The following LRRC1 variants were observed in gnomAD, a reference collection of about 807,000 sequenced individuals.
The protein encoded by LRRC1 is leucine rich repeat containing 1.
In LRRC1, 28 loss-of-function variants were observed where a neutral mutation model predicts 69.9. The ratio of observed to expected loss-of-function variants is 0.40; its 90% CI spans 0.30 to 0.55. LRRC1 has a LOEUF of 0.55. Ranked by LOEUF, LRRC1 falls within the 20% of genes least tolerant of loss-of-function variation. The probability of loss-of-function intolerance (pLI) is 0.47; values close to 1 mark genes in which losing one functional copy is unlikely to be tolerated. For synonymous variants in LRRC1, 236 were observed against 240.2 expected (o/e 0.98, Z 0.16); for missense variants, 498 against 609.0 (o/e 0.82, Z 1.92).
At chr6:53,908,479 C>T (rs1289828882) in intron 10 of LRRC1, among the ~76,000 whole-genome samples, 1 of 152,044 alleles carries the variant, frequency 6.6e-6, no homozygotes, top group Non-Finnish European at 1.5e-5. Context: ...ATTCAAAATT[C>T]TTTCAGTATA....
Position 53,922,837 on chromosome 6 carries a change from C to G in LRRC1, c.*44C>G, listed in dbSNP as rs564174721. On this transcript the variant is annotated 3_prime_UTR_variant, in exon 14 of 14. Coordinates refer to ENST00000370888, the MANE Select transcript of LRRC1 (RefSeq NM_018214.5). The stretch of plus-strand genomic sequence containing the variant: ...TACCTCCTGTGTCTTCCTCTGCTGT[C>G]GAGACGTTCCTGTCTGCTTCCCGGG... 6.3e-7 allele frequency: 1 copy of G among 1,583,626 alleles called. No homozygotes were observed. Among genetic ancestry groups the G allele is most frequent in the Middle Eastern group, 1.7e-4 (1 of 5,940 alleles).
At chr6:53,913,242 A>T (rs986808957) in intron 10 of LRRC1, among the ~76,000 whole-genome samples, 1 of 152,134 alleles carries the variant, frequency 6.6e-6, no homozygotes, top group Admixed American at 6.5e-5. Context: ...TGTTGATTTT[A>T]CATTCATCAA....
intron 12 of LRRC1, among the ~76,000 whole-genome samples, chr6:53,920,131 T>G (rs2127443272): frequency 6.6e-6 from 1 of 152,318 alleles, no homozygotes; most frequent in Non-Finnish European, 1.5e-5. Flanking sequence ...TGCTGAGAGC[T>G]GGGTTTGGTG....
chr6:53,821,568 C>T (rs946091872), intron 1 of LRRC1, among the ~76,000 whole-genome samples: 7 of 152,142 alleles, frequency 4.6e-5, no homozygotes, highest in Non-Finnish European at 1.0e-4. Flanking sequence ...ATGAGGTGTG[C>T]GTGATTTATG....
At chr6:53,861,411 A>G (rs1055089074) in intron 2 of LRRC1, among the ~76,000 whole-genome samples, 10 of 151,184 alleles carry the variant, frequency 6.6e-5, no homozygotes, top group Non-Finnish European at 1.5e-5. Context: ...AGAGGTTGCC[A>G]TTAGACCTCC....
intron 1 of LRRC1, among the ~76,000 whole-genome samples, chr6:53,800,247 CTTTTT>C (rs55960000): frequency 4.1e-4 from 37 of 89,546 alleles, no homozygotes; most frequent in Admixed American, 7.3e-4. Flanking sequence ...GTTTCTTTTT[CTTTTT>C]TTTTTTTTTT....
intron 7 of LRRC1, 35 bp downstream of exon 7, chr6:53,897,394 T>G (rs1396107338): frequency 3.7e-5 from 52 of 1,411,136 alleles, no homozygotes; most frequent in Non-Finnish European, 4.6e-5. Context: ...CCCCAAAACA[T>G]AAAACAGCAA....
Position 53,795,331 on chromosome 6 carries a change from C to G in LRRC1, c.75C>G (p.Val25=), listed in dbSNP as rs764936730. 3 of 1,613,648 alleles carry G rather than the reference C, an allele frequency of 1.9e-6. No individual in the cohort carries two copies. In the African/African-American group the frequency reaches 4.0e-5, roughly 22 times the overall value. ...ESIDKRHCSL[V]YVPEEIYRYA... Reference sequence around the variant, plus strand: ...TCGACAAGCGCCACTGCTCGCTGGTCTACGTCCCCGAGGAGATCTACCGCT... The same window carrying G: ...TCGACAAGCGCCACTGCTCGCTGGTGTACGTCCCCGAGGAGATCTACCGCT... The change falls in exon 1 of 14, where the codon GTC becomes GTG. Residue 25 remains valine, a synonymous_variant. Coordinates refer to ENST00000370888, the MANE Select transcript of LRRC1 (RefSeq NM_018214.5).
At chr6:53,795,957 T>C (rs1764287153) in intron 1 of LRRC1, among the ~76,000 whole-genome samples, 1 of 152,196 alleles carries the variant, frequency 6.6e-6, no homozygotes, top group Admixed American at 6.5e-5. Context: ...TTATCGCGGG[T>C]GGGCTTGGCC....
rs773000983 is a variant in LRRC1, at chr6:53,897,382, C to T, written c.642+23C>T. On this transcript the variant is annotated intron_variant, in intron 7 of 13. Transcript: ENST00000370888. ...CAGGTAAGTGGTAATTTCACAGTGT[C>T]TCCCCAAAACATAAAACAGCAACAA... The T allele has an allele frequency of 6.7e-6, 10 of 1,497,400 alleles. No individual in the cohort carries two copies. The East Asian group carries it at 2.0e-4, about 30-fold the overall frequency. The allele number at this position is 1,497,400 out of a possible 1,614,324, so 92.8% of individuals were successfully genotyped here.
chr6:53,899,936 C>G (rs375203191), intron 8 of LRRC1, 45 bp downstream of exon 8: 1 of 1,537,252 alleles, frequency 6.5e-7, no homozygotes, highest in Non-Finnish European at 8.8e-7. Context: ...TGCCTGCCGT[C>G]GTCTTGAGGG....
intron 2 of LRRC1, among the ~76,000 whole-genome samples, chr6:53,869,151 G>C (rs2127426257): frequency 6.6e-6 from 1 of 152,270 alleles, no homozygotes; most frequent in East Asian, 1.9e-4. Flanking sequence ...TAGAGAGAGA[G>C]ACCATTTAAG....
intron 2 of LRRC1, among the ~76,000 whole-genome samples, chr6:53,859,274 C>T (rs1164215786): frequency 2.0e-5 from 3 of 152,142 alleles, no homozygotes; most frequent in Non-Finnish European, 2.9e-5. Context: ...TCCTTCACTT[C>T]GAGCAGTTGT....
intron 2 of LRRC1, among the ~76,000 whole-genome samples, chr6:53,873,830 G>GA (rs1223117232): frequency 6.6e-6 from 1 of 151,976 alleles, no homozygotes; most frequent in South Asian, 2.1e-4. Flanking sequence ...TAGATCTTAC[G>GA]AAAAAAGCTT....
chr6:53,803,801 T>A (rs1764559854), intron 1 of LRRC1, among the ~76,000 whole-genome samples: 1 of 152,190 alleles, frequency 6.6e-6, no homozygotes, highest in African/African-American at 2.4e-5. Context: ...TACACCTAAT[T>A]ACAGCATGTT....
At chr6:53,881,241 C>T (rs1767280994) in intron 3 of LRRC1, among the ~76,000 whole-genome samples, 2 of 152,128 alleles carry the variant, frequency 1.3e-5, no homozygotes, top group African/African-American at 4.8e-5. Flanking sequence ...GAAACTGAGG[C>T]ACATGTAGGC....
At position 53,853,308 on chromosome 6, in the gene LRRC1, G is replaced by A. The variant is rs1380944436; in HGVS notation, c.277+11081G>A. 1.0e-4 allele frequency among the ~76,000 whole-genome samples: 14 copies of A among 136,474 alleles called. No homozygotes were observed. In the East Asian group the frequency reaches 1.9e-3, roughly 19 times the overall value. 89.5% of individuals were successfully genotyped at this position (136,474 alleles called of 152,430 possible). A position where few individuals can be genotyped will look rare whatever the true frequency, so the allele number is the denominator to read the frequency against. On this transcript the variant is annotated intron_variant, in intron 2 of 13. Coordinates refer to ENST00000370888, the MANE Select transcript of LRRC1 (RefSeq NM_018214.5). Reference sequence around the variant, plus strand: ...TTTTTTTTTTTTTTTTTTTTGAGACGAAGTTTCGCTCTGTTGCCCAGGCTG... The same window carrying A: ...TTTTTTTTTTTTTTTTTTTTGAGACAAAGTTTCGCTCTGTTGCCCAGGCTG...
At chr6:53,848,379 G>A (rs952729185) in intron 2 of LRRC1, among the ~76,000 whole-genome samples, 5 of 152,174 alleles carry the variant, frequency 3.3e-5, no homozygotes, top group Non-Finnish European at 7.3e-5. Flanking sequence ...GAGGAATCAG[G>A]CTTCTGTGAT....
At chr6:53,833,707 G>A (rs2127413336) in intron 1 of LRRC1, among the ~76,000 whole-genome samples, 1 of 152,228 alleles carries the variant, frequency 6.6e-6, no homozygotes, top group South Asian at 2.1e-4. Flanking sequence ...TAGAGCAGGA[G>A]AGGCCTTTTT....
Sources: allele counts gnomAD v4.1 joint callset (sites outside exome capture counted in the v4.1 genomes callset), GRCh38; gene constraint gnomAD v4.1.1; transcripts MANE v1.5; gene names NCBI Gene and HGNC (gene_info 2026-07-23, HGNC 2026-07-21).